The following NT5C2 variants were observed in gnomAD, a reference collection of about 807,000 sequenced individuals.
NT5C2 encodes the protein cytosolic purine 5'-nucleotidase.
A neutral mutation model predicts 76.1 loss-of-function variants in NT5C2; 58 were observed. That is an observed-to-expected ratio of 0.76 (90% CI 0.62 to 0.95). The LOEUF (loss-of-function observed/expected upper bound fraction) is 0.95, where lower values mean the gene tolerates loss of function less well. Among genes scored for constraint, NT5C2 ranks in the 40% least tolerant of loss-of-function variants. The pLI is 0.00. For synonymous variants in NT5C2, 229 were observed against 237.4 expected (o/e 0.96, Z 0.32); for missense variants, 478 against 690.3 (o/e 0.69, Z 3.45).
chr10:103,152,652 G>T (rs1344155763), intron 3 of NT5C2, among the ~76,000 whole-genome samples: 2 of 152,110 alleles, frequency 1.3e-5, no homozygotes, highest in African/African-American at 4.8e-5. Context: ...ACCAGGTCTA[G>T]TTATGCCTGA....
chr10:103,151,760 G>A (rs1430472537), intron 3 of NT5C2, among the ~76,000 whole-genome samples: 1 of 152,088 alleles, frequency 6.6e-6, no homozygotes, highest in African/African-American at 2.4e-5. Flanking sequence ...TGAAAACGGT[G>A]AATGTAAGAA....
intron 3 of NT5C2, among the ~76,000 whole-genome samples, chr10:103,165,232 G>A (rs985661336): frequency 2.0e-5 from 3 of 152,048 alleles, no homozygotes; most frequent in African/African-American, 7.2e-5. Flanking sequence ...AATGGCTCAC[G>A]CCTGTAATCC....
chr10:103,094,008 T>C lies in NT5C2; in HGVS notation c.952A>G (p.Thr318Ala). The part of the protein sequence containing the change: ...KTGKLKIGTY[T>A]GPLQHGIVYS... Reference sequence around the variant, plus strand: ...ACGATACCATGCTGTAGGGGCCCTGTGTAGGTACCAATTTTCAGCTTGCCA... The same window carrying C: ...ACGATACCATGCTGTAGGGGCCCTGCGTAGGTACCAATTTTCAGCTTGCCA... Residue 318 changes from threonine (T) to alanine (A), a missense_variant, in exon 14 of 19, where the codon ACA becomes GCA. Thr to Ala is a moderately conservative substitution (Grantham distance 58, BLOSUM62 0). Transcript: ENST00000404739. 1 of 1,613,870 alleles carries C rather than the reference T, an allele frequency of 6.2e-7. No individual in the cohort carries two copies. Among genetic ancestry groups the C allele is most frequent in the Non-Finnish European group, 8.5e-7 (1 of 1,179,770 alleles).
At chr10:103,174,101 A>C (rs2134793404) in intron 3 of NT5C2, among the ~76,000 whole-genome samples, 1 of 151,668 alleles carries the variant, frequency 6.6e-6, no homozygotes, top group South Asian at 2.1e-4. Flanking sequence ...GTCTCAAAAA[A>C]AAAAAAAAAA....
Position 103,091,708 on chromosome 10 carries a change from T to C in NT5C2, c.1160-93A>G, listed in dbSNP as rs1338637200. The C allele has an allele frequency of 2.9e-6, 3 of 1,027,128 alleles. No individual in the cohort carries two copies. In the East Asian group the frequency reaches 7.3e-5, roughly 25 times the overall value. 63.6% of individuals were successfully genotyped at this position (1,027,128 alleles called of 1,614,324 possible). ...TAAACTAAAAGGTTGCAGATGTGAC[T>C]GGAAAGTAGAACCTGGGACTAACAT... On this transcript the variant is annotated intron_variant, in intron 15 of 18. Coordinates refer to ENST00000404739, the MANE Select transcript of NT5C2 (RefSeq NM_001351169.2).
intron 4 of NT5C2, among the ~76,000 whole-genome samples, chr10:103,125,734 A>ACGTT (rs1486085076): frequency 6.6e-6 from 1 of 152,220 alleles, no homozygotes; most frequent in Admixed American, 6.5e-5. Context: ...AAAAACAAGC[A>ACGTT]CTGAACAGCC....
chr10:103,120,430 G>A (rs1265802078), intron 4 of NT5C2, among the ~76,000 whole-genome samples: 1 of 152,148 alleles, frequency 6.6e-6, no homozygotes, highest in Non-Finnish European at 1.5e-5. Flanking sequence ...TTAATATGCA[G>A]AATGTGTAAC....
chr10:103,091,682 C>T, intron 15 of NT5C2, 67 bp from the exon 16 acceptor site: 2 of 1,335,176 alleles, frequency 1.5e-6, no homozygotes, highest in South Asian at 2.4e-5. Flanking sequence ...TTAACTGCTG[C>T]TAAACTAAAA....
chr10:103,095,530 A>G (rs2067971213), intron 12 of NT5C2, among the ~76,000 whole-genome samples: 2 of 152,372 alleles, frequency 1.3e-5, no homozygotes, highest in South Asian at 4.1e-4. Flanking sequence ...ACTTAGCAAC[A>G]ACTAATACAA....
At chr10:103,135,333 GAAT>G (rs373819472) in intron 4 of NT5C2, among the ~76,000 whole-genome samples, 1 of 152,282 alleles carries the variant, frequency 6.6e-6, no homozygotes, top group African/African-American at 2.4e-5. Context: ...CTGTAATAGT[GAAT>G]AAGTCTCATG....
intron 3 of NT5C2, among the ~76,000 whole-genome samples, chr10:103,163,063 GT>G (rs1258483085): frequency 3.3e-5 from 5 of 152,202 alleles, no homozygotes; most frequent in African/African-American, 1.2e-4. Flanking sequence ...ATTTAAGACT[GT>G]CTTATTTGAC....
intron 5 of NT5C2, 46 bp downstream of exon 5, chr10:103,106,543 A>G (rs2071325419): frequency 1.7e-6 from 2 of 1,156,298 alleles, no homozygotes; most frequent in Non-Finnish European, 2.6e-6. Context: ...GGGTAAGGAA[A>G]GTAGTCTTAA....
intron 10 of NT5C2, 113 bp from the exon 11 acceptor site, chr10:103,097,487 G>C (rs1244832308): frequency 1.2e-6 from 1 of 822,646 alleles, no homozygotes; most frequent in African/African-American, 1.7e-5. Flanking sequence ...CCTTTTAAGG[G>C]TTAGCTGATT....
At chr10:103,172,508 A>T (rs1372850563) in intron 3 of NT5C2, among the ~76,000 whole-genome samples, 5 of 151,712 alleles carry the variant, frequency 3.3e-5, no homozygotes, top group Non-Finnish European at 5.9e-5. Flanking sequence ...CGGCCTCCCA[A>T]AGTGCTAGGA....
At chr10:103,141,124 G>C (rs546694693) in intron 3 of NT5C2, among the ~76,000 whole-genome samples, 37 of 152,258 alleles carry the variant, frequency 2.4e-4, no homozygotes, top group African/African-American at 8.4e-4. Flanking sequence ...TTTTCTTTTA[G>C]ATCTTCTCAT....
chr10:103,189,561 G>A lies in NT5C2; in HGVS notation c.-169+3675C>T, dbSNP rs188171137. 1.1e-3 allele frequency among the ~76,000 whole-genome samples: 166 copies of A among 145,644 alleles called. 1 individual carries two copies. In the East Asian group the frequency reaches 0.032, roughly 28 times the overall value. On this transcript the variant is annotated intron_variant, in intron 1 of 18. Coordinates refer to ENST00000404739, the MANE Select transcript of NT5C2 (RefSeq NM_001351169.2). ...GCGGAGGCTGCAGTGAGCCGAGATC[G>A]CACCACTGCACTACAGCCTGGCGAC...
At chr10:103,169,214 C>T (rs1011122472) in intron 3 of NT5C2, 2 of 152,096 alleles carry the variant, frequency 1.3e-5, no homozygotes, top group African/African-American at 4.8e-5. Context: ...TCCATATCAA[C>T]TTGTACACCA....
intron 3 of NT5C2, among the ~76,000 whole-genome samples, chr10:103,148,738 TACTC>T (rs1162517809): frequency 6.6e-6 from 1 of 152,238 alleles, no homozygotes; most frequent in African/African-American, 2.4e-5. Flanking sequence ...ATACTCATTT[TACTC>T]ACTCATATAC....
intron 4 of NT5C2, among the ~76,000 whole-genome samples, chr10:103,124,646 C>T (rs1455454542): frequency 6.6e-6 from 1 of 151,874 alleles, no homozygotes; most frequent in South Asian, 2.1e-4. Flanking sequence ...GCCACACCGC[C>T]CCTCCCCCCA....
Sources: gnomAD v4.1 joint callset for allele counts (sites outside exome capture counted in the v4.1 genomes callset) on GRCh38, gnomAD v4.1.1 for gene constraint, MANE v1.5 for transcripts, NCBI Gene and HGNC (gene_info 2026-07-23, HGNC 2026-07-21) for gene names.